The following TNR variants were observed in gnomAD, a reference collection of about 807,000 sequenced individuals.
TNR encodes the protein tenascin-R.
In TNR, 45 loss-of-function variants were observed where a neutral mutation model predicts 150.4. The ratio of observed to expected loss-of-function variants is 0.30; its 90% CI spans 0.24 to 0.38. The LOEUF (loss-of-function observed/expected upper bound fraction) is 0.38, where lower values mean the gene tolerates loss of function less well. Among genes scored for constraint, TNR ranks in the 10% least tolerant of loss-of-function variants. The pLI is 1.00. For synonymous variants in TNR, 687 were observed against 678.4 expected, an observed-to-expected ratio of 1.01 and a Z score of -0.20; for missense variants, 1,544 against 1,759.1, an observed-to-expected ratio of 0.88 and a Z score of 2.19.
chr1:175,395,734 G>T (rs1653396049), intron 5 of TNR, among the ~76,000 whole-genome samples: 1 of 152,110 alleles, frequency 6.6e-6, no homozygotes. Flanking sequence ...ATTCAGAGGG[G>T]TATAAAGAAA....
At chr1:175,381,914 C>T (rs1234849218) in intron 8 of TNR, among the ~76,000 whole-genome samples, 1 of 152,138 alleles carries the variant, frequency 6.6e-6, no homozygotes, top group Admixed American at 6.5e-5. Flanking sequence ...TGCTTTTTTT[C>T]TGCTCTTGAA....
chr1:175,393,661 T>C (rs1435152452), intron 6 of TNR, 119 bp downstream of exon 6: 19 of 798,204 alleles, frequency 2.4e-5, no homozygotes, highest in Non-Finnish European at 3.9e-5. Context: ...TGCCATTTTG[T>C]GTCTTTAATG....
chr1:175,394,938 C>A (rs1653355410), intron 5 of TNR, among the ~76,000 whole-genome samples: 2 of 152,106 alleles, frequency 1.3e-5, no homozygotes. Context: ...GGGAGTTAGG[C>A]CAGGCACTTA....
chr1:175,730,414 G>T (rs987681977), intron 1 of TNR, among the ~76,000 whole-genome samples: 1 of 152,160 alleles, frequency 6.6e-6, no homozygotes, highest in African/African-American at 2.4e-5. Context: ...AGTTATCTTT[G>T]TGACTCCCCC....
intron 1 of TNR, among the ~76,000 whole-genome samples, chr1:175,575,050 G>A (rs535891502): frequency 6.6e-6 from 1 of 152,304 alleles, no homozygotes. Context: ...CTGCCTTCTG[G>A]AGGCCTGGCA....
At chr1:175,533,914 C>T (rs1022224164) in intron 1 of TNR, among the ~76,000 whole-genome samples, 1 of 152,186 alleles carries the variant, frequency 6.6e-6, no homozygotes, top group African/African-American at 2.4e-5. Context: ...CACACAGTCA[C>T]ATTTTGATGA....
chr1:175,471,315 A>G (rs1175846444), intron 2 of TNR, among the ~76,000 whole-genome samples: 1 of 152,222 alleles, frequency 6.6e-6, no homozygotes, highest in Non-Finnish European at 1.5e-5. Context: ...AGATAAGTAC[A>G]GTCACGCGTT....
intron 1 of TNR, among the ~76,000 whole-genome samples, chr1:175,528,756 C>T (rs1018538296): frequency 2.0e-5 from 3 of 152,138 alleles, no homozygotes; most frequent in African/African-American, 7.2e-5. Context: ...TCCTCCCCAA[C>T]CTGACCCCCT....
intron 2 of TNR, among the ~76,000 whole-genome samples, chr1:175,498,462 C>T (rs1007439998): frequency 6.6e-6 from 1 of 152,214 alleles, no homozygotes; most frequent in Non-Finnish European, 1.5e-5. Flanking sequence ...CCCTTGGTCA[C>T]CACAAAGAGG....
intron 15 of TNR, among the ~76,000 whole-genome samples, chr1:175,358,549 C>G (rs112743656): frequency 2.3e-3 from 346 of 152,320 alleles, no homozygotes; most frequent in Non-Finnish European, 3.5e-3. Flanking sequence ...TTAGCTTTCT[C>G]TGTCATTTTT....
rs756615033 is a variant in TNR, at chr1:175,366,055, T to C, written c.2137A>G (p.Ile713Val). 3 of 1,614,072 alleles carry C rather than the reference T, an allele frequency of 1.9e-6. No individual in the cohort carries two copies. Among genetic ancestry groups the C allele is most frequent in the Admixed American group, 3.3e-5 (2 of 60,020 alleles). Residue 713 changes from isoleucine (I) to valine (V), a missense_variant, in exon 11 of 23, where the codon ATT becomes GTT. Around this residue, in one of 2 missense-constraint regions of TNR, gnomAD observed 1,254 missense variants for 1,329.4 expected, o/e 0.94. Transcript: ENST00000367674. ...GTAAAGGTAATTCGGTAGTGGTCAA[T>C]GGGGCCACTGGCCTTGGTCCAGATG... ...SLIWTKASGPIDHYRITFTPS... is the reference protein window; with the variant it reads ...SLIWTKASGPVDHYRITFTPS...
chr1:175,649,793 C>T (rs1184862040), intron 1 of TNR, among the ~76,000 whole-genome samples: 1 of 152,134 alleles, frequency 6.6e-6, no homozygotes, highest in East Asian at 1.9e-4. Context: ...TGTTTTTCTA[C>T]CCTTACTGCC....
At chr1:175,458,880 T>C (rs1295271822) in intron 2 of TNR, among the ~76,000 whole-genome samples, 2 of 152,092 alleles carry the variant, frequency 1.3e-5, no homozygotes, top group Non-Finnish European at 2.9e-5. Context: ...ATCATCACCA[T>C]GTCCACTGTC....
intron 1 of TNR, among the ~76,000 whole-genome samples, chr1:175,732,677 C>G (rs966662457): frequency 2.6e-5 from 4 of 152,148 alleles, no homozygotes; most frequent in Admixed American, 6.5e-5. Flanking sequence ...GAGTGATGCT[C>G]AGAGACAGCA....
intron 2 of TNR, among the ~76,000 whole-genome samples, chr1:175,431,716 A>G (rs1470746318): frequency 1.3e-5 from 2 of 151,940 alleles, no homozygotes; most frequent in African/African-American, 4.8e-5. Context: ...TCACAGAGAA[A>G]GAGTAGTGGT....
intron 2 of TNR, among the ~76,000 whole-genome samples, chr1:175,505,784 C>T (rs1658935932): frequency 6.6e-6 from 1 of 152,212 alleles, no homozygotes; most frequent in African/African-American, 2.4e-5. Flanking sequence ...CTCACCTGAG[C>T]CATCCCAGCA....
chr1:175,615,566 A>T lies in TNR; in HGVS notation c.-164-87197T>A, dbSNP rs1490982949. On this transcript the variant is annotated intron_variant, in intron 1 of 22. Transcript: ENST00000367674. ...CTGAGGCTTCGAGGTCACAGAGCCT[A>T]TGTGTCTCCTTACGGTGTAAACTCA... 4.6e-5 allele frequency among the ~76,000 whole-genome samples: 7 copies of T among 152,198 alleles called. No homozygotes were observed. In the East Asian group the frequency reaches 1.4e-3, roughly 29 times the overall value.
At chr1:175,730,521 A>G (rs1467027329) in intron 1 of TNR, among the ~76,000 whole-genome samples, 1 of 152,198 alleles carries the variant, frequency 6.6e-6, no homozygotes, top group Non-Finnish European at 1.5e-5. Flanking sequence ...CAGAGAGTAG[A>G]TCTTTAATAA....
At position 175,363,769 on chromosome 1, in the gene TNR, G is replaced by A; in HGVS notation, c.2646C>T (p.Val882=). ...AAGATGCAACAGGAGGGCTCCAGGAGACCATCACTGAGTCCTTGGTCACAT... is the reference window on the plus strand; with the variant it reads ...AAGATGCAACAGGAGGGCTCCAGGAAACCATCACTGAGTCCTTGGTCACAT... The part of the protein sequence containing the change: ...ISNVTKDSVM[V]SWSPPVASFD... The change falls in exon 13 of 23, where the codon GTC becomes GTT. Residue 882 remains valine, a synonymous_variant. Transcript: ENST00000367674. 1 of 1,613,932 alleles carries A rather than the reference G, an allele frequency of 6.2e-7. No individual in the cohort carries two copies. Among genetic ancestry groups the A allele is most frequent in the Non-Finnish European group, 8.5e-7 (1 of 1,179,866 alleles).
Sources: gnomAD v4.1 joint callset for allele counts (sites outside exome capture counted in the v4.1 genomes callset) on GRCh38, gnomAD v4.1.1 for gene constraint, gnomAD v4.1.1 regional missense constraint, MANE v1.5 for transcripts, NCBI Gene and HGNC (gene_info 2026-07-23, HGNC 2026-07-21) for gene names.